Variants in AP3B1 observed in about 807,000 individuals in gnomAD.
AP3B1 encodes the protein adaptor related protein complex 3 subunit beta 1.
A neutral mutation model predicts 132.5 loss-of-function variants in AP3B1; 61 were observed. The ratio of observed to expected loss-of-function variants is 0.46; its 90% CI spans 0.37 to 0.57. The LOEUF is 0.57. Among genes scored for constraint, AP3B1 ranks in the 20% least tolerant of loss-of-function variants. AP3B1 has a pLI of 0.00. For missense variants in AP3B1, 1,120 were observed against 1,289.4 expected (o/e 0.87, Z 2.01); for synonymous variants, 388 against 438.3 (o/e 0.89, Z 1.43).
intron 2 of AP3B1, among the ~76,000 whole-genome samples, chr5:78,243,382 T>G (rs1377889831): frequency 1.3e-5 from 2 of 152,176 alleles, no homozygotes; most frequent in Non-Finnish European, 2.9e-5. Context: ...CCGCAGAACG[T>G]TATTCAAATA....
intron 2 of AP3B1, among the ~76,000 whole-genome samples, chr5:78,256,280 A>G (rs889934649): frequency 2.0e-5 from 3 of 152,074 alleles, no homozygotes; most frequent in African/African-American, 7.2e-5. Flanking sequence ...CAGCCAGACT[A>G]AGAAAAAAAA....
At chr5:78,182,208 G>C (rs2112415536) in intron 7 of AP3B1, among the ~76,000 whole-genome samples, 1 of 152,290 alleles carries the variant, frequency 6.6e-6, no homozygotes, top group South Asian at 2.1e-4. Context: ...CTAGGTTTTT[G>C]TTTTGAATTC....
At chr5:78,229,339 T>C (rs757149732) in intron 3 of AP3B1, among the ~76,000 whole-genome samples, 1 of 152,196 alleles carries the variant, frequency 6.6e-6, no homozygotes, top group East Asian at 1.9e-4. Context: ...AATTTATCCA[T>C]TGCTTCCTTC....
intron 22 of AP3B1, among the ~76,000 whole-genome samples, chr5:78,067,236 C>T (rs186204437): frequency 1.1e-4 from 16 of 152,254 alleles, no homozygotes; most frequent in African/African-American, 2.4e-4. Context: ...TAAATATACA[C>T]GTACCTAATA....
intron 13 of AP3B1, among the ~76,000 whole-genome samples, chr5:78,158,789 G>A (rs902061477): frequency 5.9e-5 from 9 of 151,534 alleles, no homozygotes; most frequent in South Asian, 2.1e-4. Flanking sequence ...CTCCACTTCC[G>A]GGGTTCAAGC....
intron 26 of AP3B1, among the ~76,000 whole-genome samples, chr5:78,004,471 AT>A (rs1746312558): frequency 6.6e-6 from 1 of 152,202 alleles, no homozygotes; most frequent in African/African-American, 2.4e-5. Context: ...ATGAAAAGTA[AT>A]TTCTTTTTTG....
intron 21 of AP3B1, among the ~76,000 whole-genome samples, chr5:78,094,733 T>G (rs562908498): frequency 3.4e-4 from 51 of 152,068 alleles, no homozygotes; most frequent in African/African-American, 1.2e-3. Context: ...CAGGCTGGAG[T>G]GCAGTGGTGT....
At chr5:78,231,018 G>C (rs1440399940) in intron 3 of AP3B1, among the ~76,000 whole-genome samples, 1 of 151,882 alleles carries the variant, frequency 6.6e-6, no homozygotes, top group African/African-American at 2.4e-5. Context: ...TACTGGGAAG[G>C]CTGAGGCAAG....
chr5:78,175,944 GACTCTT>G (rs1744131210), intron 9 of AP3B1, 106 bp from the exon 10 acceptor site: 5 of 908,390 alleles, frequency 5.5e-6, no homozygotes, highest in Non-Finnish European at 9.1e-6. Context: ...AAGTGAATGA[GACTCTT>G]AAATGTAATA....
At chr5:78,087,801 G>A (rs1189125867) in intron 22 of AP3B1, 8 of 592,150 alleles carry the variant, frequency 1.4e-5, no homozygotes, top group Non-Finnish European at 1.7e-5. Flanking sequence ...TAATAAAGTA[G>A]AAGAGTCTAC....
Position 78,129,231 on chromosome 5 carries a change from A to C in AP3B1, c.1727T>G (p.Phe576Cys). The C allele has an allele frequency of 1.2e-6, 2 of 1,613,424 alleles. No individual in the cohort carries two copies. Among genetic ancestry groups the C allele is most frequent in the Non-Finnish European group, 1.7e-6 (2 of 1,179,450 alleles). ...QNYDIRDRTR[F>C]IRQLIVPNVK... The stretch of plus-strand genomic sequence containing the variant: ...ATTCGGAACAATAAGCTGCCTAATA[A>C]ATCTTGTACGGTCTCTGATGTCGTA... The change falls in exon 16 of 27, where the codon TTT (phenylalanine) becomes TGT (cysteine). Residue 576 changes from phenylalanine to cysteine, a missense_variant. Physicochemically the swap from Phe to Cys is radical, Grantham distance 205 (BLOSUM62 -2). Transcript: ENST00000255194.
intron 21 of AP3B1, among the ~76,000 whole-genome samples, chr5:78,094,137 G>A (rs1561400836): frequency 1.3e-5 from 2 of 152,188 alleles, no homozygotes; most frequent in Non-Finnish European, 1.5e-5. Flanking sequence ...ACTAGAATAT[G>A]ATCACTGATT....
chr5:78,048,113 T>C (rs1279220442), intron 22 of AP3B1, among the ~76,000 whole-genome samples: 2 of 152,220 alleles, frequency 1.3e-5, no homozygotes, highest in Admixed American at 6.5e-5. Flanking sequence ...AGAATACAAC[T>C]TTACAAAGTA....
intron 20 of AP3B1, among the ~76,000 whole-genome samples, chr5:78,107,792 A>G (rs949186262): frequency 1.3e-5 from 2 of 152,220 alleles, no homozygotes; most frequent in Non-Finnish European, 2.9e-5. Flanking sequence ...AGAGCAGGAT[A>G]CTTAAGAGTT....
chr5:78,283,148 A>T (rs1298428323), intron 1 of AP3B1, among the ~76,000 whole-genome samples: 1 of 152,238 alleles, frequency 6.6e-6, no homozygotes. Flanking sequence ...CAATGAGTGT[A>T]GGTACATTAT....
At chr5:78,246,456 T>C in intron 2 of AP3B1, among the ~76,000 whole-genome samples, 1 of 152,228 alleles carries the variant, frequency 6.6e-6, no homozygotes, top group South Asian at 2.1e-4. Context: ...TTCTATATTC[T>C]GGAAGAGCTT....
intron 11 of AP3B1, among the ~76,000 whole-genome samples, chr5:78,171,445 C>G (rs2112391466): frequency 6.6e-6 from 1 of 152,134 alleles, no homozygotes; most frequent in Admixed American, 6.5e-5. Context: ...TGAAGAGGTC[C>G]TTTACATCCC....
chr5:78,145,096 G>A (rs572324134), intron 14 of AP3B1, among the ~76,000 whole-genome samples: 7 of 152,278 alleles, frequency 4.6e-5, no homozygotes, highest in South Asian at 2.1e-4. Flanking sequence ...GAACATGTAA[G>A]TTGACTGTAT....
At chr5:78,128,468 A>C (rs922100611) in intron 16 of AP3B1, among the ~76,000 whole-genome samples, 20 of 152,136 alleles carry the variant, frequency 1.3e-4, no homozygotes, top group Admixed American at 1.1e-3. Flanking sequence ...ATCCATATAC[A>C]TGTCTTGGCA....
Sources: gnomAD v4.1 joint callset for allele counts (sites outside exome capture counted in the v4.1 genomes callset) on GRCh38, gnomAD v4.1.1 for gene constraint, MANE v1.5 for transcripts, NCBI Gene and HGNC (gene_info 2026-07-23, HGNC 2026-07-21) for gene names.